Variants in GRM3 observed in about 807,000 individuals in gnomAD.
GRM3 encodes the protein metabotropic glutamate receptor 3.
GRM3 carries 26 observed loss-of-function variants against 70.5 expected under a neutral mutation model. The observed-to-expected ratio is 0.37, with a 90% CI of 0.27 to 0.51. The LOEUF is 0.51. Among genes scored for constraint, GRM3 ranks in the 20% least tolerant of loss-of-function variants. The pLI is 0.93. For synonymous variants in GRM3, 443 were observed against 434.9 expected, an observed-to-expected ratio of 1.02 and a Z score of -0.23; for missense variants, 859 against 1,123.8, an observed-to-expected ratio of 0.76 and a Z score of 3.37.
chr7:86,671,052 A>C (rs1794158911), intron 1 of GRM3, among the ~76,000 whole-genome samples: 1 of 152,126 alleles, frequency 6.6e-6, no homozygotes, highest in Non-Finnish European at 1.5e-5. Flanking sequence ...TTTGTTTTGG[A>C]GACAGTCTCA....
Position 86,667,765 on chromosome 7 carries a change from T to G in GRM3, c.-141+22893T>G, listed in dbSNP as rs1318417240. ...TTTTGAAGAAACATTTCGGCCCTTC[T>G]AACGGTGTACTCTTGAGAAATGCTG... On this transcript the variant is annotated intron_variant, in intron 1 of 5. Coordinates refer to ENST00000361669, the MANE Select transcript of GRM3 (RefSeq NM_000840.3). Among the ~76,000 whole-genome samples the G allele has an allele frequency of 5.9e-5, 9 of 152,306 alleles. No individual in the cohort carries two copies. The East Asian group carries it at 1.7e-3, about 29-fold the overall frequency.
intron 3 of GRM3, among the ~76,000 whole-genome samples, chr7:86,794,842 C>T (rs936217835): frequency 6.6e-6 from 1 of 151,026 alleles, no homozygotes; most frequent in African/African-American, 2.4e-5. Context: ...ATAGTAATAA[C>T]ATTCCAGAAT....
At chr7:86,749,099 G>A (rs1796171208) in intron 1 of GRM3, among the ~76,000 whole-genome samples, 1 of 152,022 alleles carries the variant, frequency 6.6e-6, no homozygotes, top group South Asian at 2.1e-4. Flanking sequence ...AACATATAAG[G>A]TGATATTTCA....
At chr7:86,827,698 G>A (rs989721775) in intron 3 of GRM3, among the ~76,000 whole-genome samples, 1 of 152,082 alleles carries the variant, frequency 6.6e-6, no homozygotes, top group African/African-American at 2.4e-5. Flanking sequence ...ATTTTTAGTA[G>A]AGAAGAAGTT....
intron 3 of GRM3, among the ~76,000 whole-genome samples, chr7:86,810,398 G>A (rs1797885709): frequency 6.6e-6 from 1 of 151,860 alleles, no homozygotes; most frequent in Non-Finnish European, 1.5e-5. Flanking sequence ...TTCATGAATA[G>A]TTACTGCTTT....
rs191690364 is a variant in GRM3, at chr7:86,761,337, T to A, written c.-140-3669T>A. On this transcript the variant is annotated intron_variant, in intron 1 of 5. Transcript: ENST00000361669. ...AAATGTAGGTCAGTTCAGGTCTACA[T>A]CTCTCCTGGCTTCCTAGATGCCAGT... Among the ~76,000 whole-genome samples the A allele has an allele frequency of 3.3e-5, 5 of 152,094 alleles. No individual in the cohort carries two copies. The East Asian group carries it at 9.7e-4, about 29-fold the overall frequency.
At chr7:86,800,811 A>G (rs1797663431) in intron 3 of GRM3, among the ~76,000 whole-genome samples, 1 of 152,220 alleles carries the variant, frequency 6.6e-6, no homozygotes, top group Non-Finnish European at 1.5e-5. Context: ...ATCCTGATAC[A>G]AAAACCTGGC....
chr7:86,813,503 T>A (rs890957919), intron 3 of GRM3, among the ~76,000 whole-genome samples: 2 of 151,834 alleles, frequency 1.3e-5, no homozygotes, highest in African/African-American at 4.8e-5. Flanking sequence ...TTAATCAACT[T>A]TTATTTTTAA....
rs1468228333 is a variant in GRM3, at chr7:86,786,517, C to T, written c.725C>T (p.Ala242Val). 6.2e-7 allele frequency: 1 copy of T among 1,614,158 alleles called. No homozygotes were observed. The highest frequency in any genetic ancestry group is 8.5e-7 in the Non-Finnish European group (1 of 1,180,044). ...GCCCGCCTGCGCAACATCTGCATCGCTACGGCGGAGAAGGTGGGCCGCTCC... is the reference window on the plus strand; with the variant it reads ...GCCCGCCTGCGCAACATCTGCATCGTTACGGCGGAGAAGGTGGGCCGCTCC... Reference protein sequence around the residue: ...QEARLRNICIATAEKVGRSNI... With the variant: ...QEARLRNICIVTAEKVGRSNI... The change falls in exon 3 of 6, where the codon GCT becomes GTT. Residue 242 changes from alanine to valine, a missense_variant. Transcript: ENST00000361669. This position sits in a 1 kb window ranked among gnomAD's most constrained non-coding sequence, Gnocchi z 6.0.
At chr7:86,697,179 A>G (rs1160464074) in intron 1 of GRM3, among the ~76,000 whole-genome samples, 1 of 152,156 alleles carries the variant, frequency 6.6e-6, no homozygotes, top group Non-Finnish European at 1.5e-5. Flanking sequence ...AGAATCTTTG[A>G]AACCACATAC....
At chr7:86,732,951 C>T (rs1235652139) in intron 1 of GRM3, among the ~76,000 whole-genome samples, 3 of 151,924 alleles carry the variant, frequency 2.0e-5, no homozygotes, top group Admixed American at 6.6e-5. Flanking sequence ...TTCTAAACAG[C>T]AAAACTGAGG....
At chr7:86,797,904 G>A (rs1370579679) in intron 3 of GRM3, among the ~76,000 whole-genome samples, 1 of 152,194 alleles carries the variant, frequency 6.6e-6, no homozygotes, top group Non-Finnish European at 1.5e-5. Flanking sequence ...CCCAGCCGTG[G>A]CTAAAAGGGG....
In GRM3 at chr7:86,662,273, C is replaced by A. The variant is rs192954745; in HGVS notation, c.-141+17401C>A. 1.7e-3 allele frequency among the ~76,000 whole-genome samples: 257 copies of A among 151,804 alleles called. 1 individual carries two copies. Among genetic ancestry groups the A allele is most frequent in the African/African-American group, 5.7e-3 (237 of 41,462 alleles). On this transcript the variant is annotated intron_variant, in intron 1 of 5. Coordinates refer to ENST00000361669, the MANE Select transcript of GRM3 (RefSeq NM_000840.3). ...CCCTGCTTGAAAATAAGAATGGTAT[C>A]TTATTAACCTCTGTACATTTACTGC...
At chr7:86,707,347 C>T (rs1795083236) in intron 1 of GRM3, among the ~76,000 whole-genome samples, 1 of 152,004 alleles carries the variant, frequency 6.6e-6, no homozygotes, top group Admixed American at 6.6e-5. Context: ...TTAGTGTTGT[C>T]CTCTACAAAA....
intron 1 of GRM3, among the ~76,000 whole-genome samples, chr7:86,656,811 C>A (rs1049669871): frequency 6.6e-6 from 1 of 151,970 alleles, no homozygotes; most frequent in African/African-American, 2.4e-5. Flanking sequence ...CTATAGGGGG[C>A]TACCTGTATA....
chr7:86,819,061 A>G (rs1358034370), intron 3 of GRM3, among the ~76,000 whole-genome samples: 1 of 152,096 alleles, frequency 6.6e-6, no homozygotes, highest in Non-Finnish European at 1.5e-5. Flanking sequence ...CGCTTGTAAA[A>G]TGTATCCCCA....
chr7:86,781,091 G>A (rs1797045747), intron 2 of GRM3, among the ~76,000 whole-genome samples: 1 of 152,076 alleles, frequency 6.6e-6, no homozygotes, highest in African/African-American at 2.4e-5. Flanking sequence ...AGTTTCTCAA[G>A]CTATAAAATG....
chr7:86,682,826 T>G (rs562904442), intron 1 of GRM3, among the ~76,000 whole-genome samples: 1 of 152,272 alleles, frequency 6.6e-6, no homozygotes, highest in African/African-American at 2.4e-5. Flanking sequence ...TTCAAAATAT[T>G]CTTATAAGAG....
chr7:86,659,616 G>A (rs1004756808), intron 1 of GRM3, among the ~76,000 whole-genome samples: 2 of 152,076 alleles, frequency 1.3e-5, no homozygotes, highest in African/African-American at 4.8e-5. Flanking sequence ...ATTTGAAAAT[G>A]AGAAACATGT....
Sources: gnomAD v4.1 joint callset for allele counts (sites outside exome capture counted in the v4.1 genomes callset) on GRCh38, gnomAD v4.1.1 for gene constraint, Gnocchi (gnomAD v3.1) non-coding constraint, MANE v1.5 for transcripts, NCBI Gene and HGNC (gene_info 2026-07-23, HGNC 2026-07-21) for gene names.